CAMTA1: variants seen among roughly 807,000 people sequenced by gnomAD.
CAMTA1 encodes the protein calmodulin binding transcription activator 1, also known as calmodulin-binding transcription activator 1.
In CAMTA1, 27 loss-of-function variants were observed where a neutral mutation model predicts 170.9. The ratio of observed to expected loss-of-function variants is 0.16; its 90% CI spans 0.12 to 0.22. The LOEUF is 0.22. CAMTA1 is among the 10% of genes least tolerant of loss of function. The probability of loss-of-function intolerance (pLI) is 1.00; values close to 1 mark genes in which losing one functional copy is unlikely to be tolerated. For missense variants in CAMTA1, 1,619 were observed against 2,217.2 expected (o/e 0.73, Z 5.42); for synonymous variants, 833 against 891.5 (o/e 0.93, Z 1.17).
At chr1:6,953,585 C>T (rs1244616637) in intron 3 of CAMTA1, among the ~76,000 whole-genome samples, 1 of 152,214 alleles carries the variant, frequency 6.6e-6, no homozygotes, top group East Asian at 1.9e-4. Context: ...TCCTGAATTT[C>T]CCATCTTCCT....
At chr1:7,523,366 G>A (rs2094390361) in intron 6 of CAMTA1, among the ~76,000 whole-genome samples, 1 of 152,078 alleles carries the variant, frequency 6.6e-6, no homozygotes. Flanking sequence ...AGGATACATT[G>A]TCCATGACTA....
chr1:7,193,634 T>C (rs1423405547), intron 4 of CAMTA1, among the ~76,000 whole-genome samples: 4 of 152,094 alleles, frequency 2.6e-5, no homozygotes, highest in Admixed American at 2.0e-4. Flanking sequence ...CTTCCACTCA[T>C]GTGCCCACCT....
At chr1:7,688,067 GGC>G (rs2149375706) in intron 11 of CAMTA1, among the ~76,000 whole-genome samples, 1 of 135,982 alleles carries the variant, frequency 7.4e-6, no homozygotes, top group East Asian at 2.2e-4. Flanking sequence ...AGAGTATAGT[GGC>G]TCCATTTCAG....
At chr1:7,193,496 T>C (rs1367917684) in intron 4 of CAMTA1, among the ~76,000 whole-genome samples, 1 of 151,806 alleles carries the variant, frequency 6.6e-6, no homozygotes, top group African/African-American at 2.4e-5. Context: ...TGACAGCAGA[T>C]AAGTGCCAGT....
intron 3 of CAMTA1, among the ~76,000 whole-genome samples, chr1:6,876,348 TATTTTTTAATTAATTA>T: frequency 6.6e-6 from 1 of 152,074 alleles, no homozygotes; most frequent in East Asian, 1.9e-4. Flanking sequence ...AATGTTTCTT[TATTTTTTAATTAATTA>T]ATTTTTTTTT....
chr1:6,819,520 G>C (rs1200981095), intron 1 of CAMTA1, among the ~76,000 whole-genome samples: 1 of 152,066 alleles, frequency 6.6e-6, no homozygotes, highest in African/African-American at 2.4e-5. Flanking sequence ...AAATGTTGTT[G>C]GTGTTGACTG....
At chr1:7,222,996 A>G (rs1208172528) in intron 4 of CAMTA1, among the ~76,000 whole-genome samples, 1 of 152,268 alleles carries the variant, frequency 6.6e-6, no homozygotes, top group Admixed American at 6.5e-5. Context: ...CCAAGTCTTC[A>G]CTGTCCTTAA....
chr1:7,746,210 A>G, intron 18 of CAMTA1, 119 bp downstream of exon 18: 1 of 1,222,204 alleles, frequency 8.2e-7, no homozygotes, highest in Admixed American at 2.6e-5. Flanking sequence ...AATTTGTAGA[A>G]TTTTTTTGGA....
rs34401498 is a variant in CAMTA1 at position 7,309,287 on chromosome 1, A to ATT, written c.438+59690_438+59691dup. ...GTCTTTTCATTATTGCAGTTAGAAA[A>ATT]TTTTTTTTTTTTTTTTTTTTTTTTT... On this transcript the variant is annotated intron_variant, in intron 5 of 22. Transcript: ENST00000303635. Among the ~76,000 whole-genome samples, 542 of 70,592 alleles carry ATT rather than the reference A, an allele frequency of 7.7e-3. 15 individuals are homozygous for ATT. The highest frequency in any genetic ancestry group is 0.021 in the Admixed American group (88 of 4,136). The allele number at this position is 70,592 out of a possible 152,430, so 46.3% of individuals were successfully genotyped here. A position where few individuals can be genotyped will look rare whatever the true frequency, so the allele number is the denominator to read the frequency against.
chr1:7,506,485 C>G (rs1488882414), intron 6 of CAMTA1, among the ~76,000 whole-genome samples: 1 of 152,000 alleles, frequency 6.6e-6, no homozygotes, highest in Non-Finnish European at 1.5e-5. Context: ...AAAATTCACA[C>G]TAACACTTCA....
At chr1:7,192,361 T>C (rs1358730541) in intron 4 of CAMTA1, among the ~76,000 whole-genome samples, 3 of 152,242 alleles carry the variant, frequency 2.0e-5, no homozygotes, top group Admixed American at 2.0e-4. Context: ...TAGCACCACT[T>C]GATTCATCAC....
intron 7 of CAMTA1, among the ~76,000 whole-genome samples, chr1:7,647,612 A>C (rs1410621788): frequency 6.6e-6 from 1 of 152,162 alleles, no homozygotes; most frequent in East Asian, 1.9e-4. Flanking sequence ...GTGGGGCTGG[A>C]ACTAGCAGCA....
At position 7,574,890 on chromosome 1, in the gene CAMTA1, T is replaced by G. The variant is rs184069124; in HGVS notation, c.511-65510T>G. Among the ~76,000 whole-genome samples, 5 of 152,306 alleles carry G rather than the reference T, an allele frequency of 3.3e-5. No homozygotes were observed. In the East Asian group the frequency reaches 9.7e-4, roughly 29 times the overall value. On this transcript the variant is annotated intron_variant, in intron 6 of 22. Coordinates refer to ENST00000303635, the MANE Select transcript of CAMTA1 (RefSeq NM_015215.4). Reference sequence around the variant, plus strand: ...AGCTCTTGGCTTACTGAGAGGTCCGTGCCCCAACCCCAGCCCAGTCCCAGA... The same window carrying G: ...AGCTCTTGGCTTACTGAGAGGTCCGGGCCCCAACCCCAGCCCAGTCCCAGA...
chr1:7,406,546 G>A (rs1483675448), intron 5 of CAMTA1, among the ~76,000 whole-genome samples: 3 of 152,038 alleles, frequency 2.0e-5, no homozygotes, highest in African/African-American at 7.2e-5. Flanking sequence ...TTGCTCACAT[G>A]TCCATGCAGG....
rs1392550798 is a variant in CAMTA1 at position 7,680,594 on chromosome 1, G to C, written c.2914+2861G>C. Among the ~76,000 whole-genome samples, 2 of 151,922 alleles carry C rather than the reference G, an allele frequency of 1.3e-5. No individual in the cohort carries two copies. Among genetic ancestry groups the C allele is most frequent in the Non-Finnish European group, 2.9e-5 (2 of 67,926 alleles). ...CGCGGGACTAGGAAGGCCTGAGCCC[G>C]GCCACCCGCCTCCGAGTGCGCCGCA... On this transcript the variant is annotated intron_variant, in intron 11 of 22. Coordinates refer to ENST00000303635, the MANE Select transcript of CAMTA1 (RefSeq NM_015215.4). This position sits in a 1 kb window ranked among gnomAD's most constrained non-coding sequence, Gnocchi z 4.4.
rs952523367 is a variant in CAMTA1, at chr1:7,044,847, C to G, written c.235-46457C>G. 6.6e-6 allele frequency among the ~76,000 whole-genome samples: 1 copy of G among 151,236 alleles called. No homozygotes were observed. Among genetic ancestry groups the G allele is most frequent in the Non-Finnish European group, 1.5e-5 (1 of 67,838 alleles). On this transcript the variant is annotated intron_variant, in intron 3 of 22. Transcript: ENST00000303635. This position sits in a 1 kb window ranked among gnomAD's most constrained non-coding sequence, Gnocchi z 5.0. The stretch of plus-strand genomic sequence containing the variant: ...CCGCCTGTGGTTTTCTTTCCCATTC[C>G]TGTCTGCCAGCAGTGCCTCCTCTCC...
chr1:7,683,335 A>G (rs2096229369), intron 11 of CAMTA1, among the ~76,000 whole-genome samples: 2 of 152,160 alleles, frequency 1.3e-5, no homozygotes, highest in Non-Finnish European at 2.9e-5. Flanking sequence ...TACAGTTTGT[A>G]TTGTGGAGCA....
At chr1:7,498,265 A>C (rs532722358) in intron 6 of CAMTA1, among the ~76,000 whole-genome samples, 6 of 143,458 alleles carry the variant, frequency 4.2e-5, no homozygotes, top group Admixed American at 4.2e-4. Context: ...TGTATGAGAG[A>C]GCGTGTGTGA....
intron 1 of CAMTA1, among the ~76,000 whole-genome samples, chr1:6,788,377 G>T (rs966966584): frequency 3.9e-5 from 6 of 152,156 alleles, no homozygotes; most frequent in African/African-American, 1.4e-4. Flanking sequence ...AGGAGAAGTG[G>T]CTCATCGGAG....
Sources: gnomAD v4.1 joint callset for allele counts (sites outside exome capture counted in the v4.1 genomes callset) on GRCh38, gnomAD v4.1.1 for gene constraint, Gnocchi (gnomAD v3.1) non-coding constraint, MANE v1.5 for transcripts, NCBI Gene and HGNC (gene_info 2026-07-23, HGNC 2026-07-21) for gene names.